CINP: variants seen among roughly 807,000 people sequenced by gnomAD.
CINP encodes the protein cyclin dependent kinase 2 interacting protein, also known as cyclin-dependent kinase 2-interacting protein.
A neutral mutation model predicts 20.5 loss-of-function variants in CINP; 11 were observed. The observed-to-expected ratio is 0.54, with a 90% confidence interval of 0.34 to 0.89. The LOEUF (loss-of-function observed/expected upper bound fraction) is 0.89, where lower values mean the gene tolerates loss of function less well. CINP is among the 40% of genes least tolerant of loss of function. The pLI is 0.02. For missense variants in CINP, 213 were observed against 251.0 expected, an observed-to-expected ratio of 0.85 and a Z score of 1.02; for synonymous variants, 108 against 102.1, an observed-to-expected ratio of 1.06 and a Z score of -0.35.
At chr14:102,354,662 C>A (rs535158515) in intron 3 of CINP, among the ~76,000 whole-genome samples, 1 of 152,210 alleles carries the variant, frequency 6.6e-6, no homozygotes, top group Non-Finnish European at 1.5e-5. Flanking sequence ...AAGGTTGAGG[C>A]ACAAGAATTG....
At chr14:102,353,905 A>G (rs1444415981) in intron 3 of CINP, among the ~76,000 whole-genome samples, 1 of 152,164 alleles carries the variant, frequency 6.6e-6, no homozygotes, top group African/African-American at 2.4e-5. Flanking sequence ...CCTGGCCAAC[A>G]TGAGAACCCC....
intron 1 of CINP, 25 bp downstream of exon 1, chr14:102,362,820 C>G (rs747358634): frequency 1.8e-5 from 29 of 1,613,892 alleles, no homozygotes; most frequent in South Asian, 4.4e-5. Flanking sequence ...CACCCCACCC[C>G]GGGAAAGGAA....
chr14:102,359,551 A>T lies in CINP; in HGVS notation c.44T>A (p.Val15Asp), dbSNP rs751497706. Residue 15 changes from valine to aspartate, a missense_variant, in exon 2 of 5, where the codon GTC becomes GAC. Transcript: ENST00000216756. The part of the protein sequence containing the change: ...TLGTVTPRKP[V>D]LSVSARKIKD... ...AATTTTTCTTGCACTGACAGATAAG[A>T]CAGGTTTTCTGGGCGTTACAGTTCC... 6 of 1,612,836 alleles carry T rather than the reference A, an allele frequency of 3.7e-6. No homozygotes were observed. Among genetic ancestry groups the T allele is most frequent in the Non-Finnish European group, 4.2e-6 (5 of 1,179,450 alleles).
intron 2 of CINP, among the ~76,000 whole-genome samples, chr14:102,357,832 C>T (rs1567306328): frequency 6.6e-6 from 1 of 152,236 alleles, no homozygotes; most frequent in East Asian, 1.9e-4. Context: ...AAGGTGGCTA[C>T]ATGATACAAC....
intron 1 of CINP, 44 bp from the exon 2 acceptor site, chr14:102,359,631 C>A (rs1250626366): frequency 6.8e-7 from 1 of 1,469,212 alleles, no homozygotes; most frequent in South Asian, 1.3e-5. Flanking sequence ...ATGGAATATA[C>A]AATCATAGTT....
At chr14:102,348,811 C>G in intron 4 of CINP, 52 bp from the exon 5 acceptor site, 2 of 1,529,912 alleles carry the variant, frequency 1.3e-6, no homozygotes, top group Non-Finnish European at 8.9e-7. Flanking sequence ...AACATAGTGT[C>G]GACTTGGGAA....
intron 2 of CINP, among the ~76,000 whole-genome samples, 192 bp downstream of exon 2, chr14:102,359,227 A>AATATATATATATAT (rs10632205): frequency 0.048 from 5,474 of 114,662 alleles, 214 homozygotes; most frequent in Non-Finnish European, 0.063. Flanking sequence ...TAAATAACTA[A>AATATATATATATAT]ATATATATAT....
At position 102,362,822 on chromosome 14, in the gene CINP, G is replaced by A. The variant is rs745414827; in HGVS notation, c.7+23C>T. 5 of 1,613,956 alleles carry A rather than the reference G, an allele frequency of 3.1e-6. No homozygotes were observed. The South Asian group carries it at 4.4e-5, about 14-fold the overall frequency. ...TAACATTCACAGCCACCCCACCCCG[G>A]GAAAGGAACCGATCTCACGCACCTT... On this transcript the variant is annotated intron_variant, in intron 1 of 4. Transcript: ENST00000216756.
chr14:102,354,798 G>A (rs1033231682), intron 3 of CINP, among the ~76,000 whole-genome samples: 24 of 151,862 alleles, frequency 1.6e-4, no homozygotes, highest in African/African-American at 5.6e-4. Flanking sequence ...GGCCAGGTGC[G>A]GTGACTCACG....
At chr14:102,353,946 G>A (rs1014565747) in intron 3 of CINP, among the ~76,000 whole-genome samples, 8 of 152,106 alleles carry the variant, frequency 5.3e-5, no homozygotes, top group East Asian at 1.9e-4. Context: ...AAAATTAGCC[G>A]GGCATGATGG....
intron 2 of CINP, among the ~76,000 whole-genome samples, chr14:102,357,784 A>G (rs1007527061): frequency 9.9e-5 from 15 of 152,242 alleles, no homozygotes; most frequent in Admixed American, 4.6e-4. Flanking sequence ...TAGAAGCTGG[A>G]GCAAGTTATC....
At chr14:102,355,594 G>A (rs1760597730) in intron 3 of CINP, 174 bp downstream of exon 3, 1 of 624,038 alleles carries the variant, frequency 1.6e-6, no homozygotes, top group South Asian at 2.4e-5. Flanking sequence ...CAGGAGGAGT[G>A]AGTGTCTAAG....
Position 102,359,403 on chromosome 14 carries a change from A to G in CINP, c.176+16T>C. Reference sequence around the variant, plus strand: ...GGGTGAAAAACTTAGAGCATGAAAAACCAATATGTACTTACAATAAACTGA... The same window carrying G: ...GGGTGAAAAACTTAGAGCATGAAAAGCCAATATGTACTTACAATAAACTGA... On this transcript the variant is annotated intron_variant, in intron 2 of 4. Transcript: ENST00000216756. 6.5e-7 allele frequency: 1 copy of G among 1,545,482 alleles called. No homozygotes were observed. The highest frequency in any genetic ancestry group is 2.3e-5 in the East Asian group (1 of 43,192).
At chr14:102,359,672 G>A in intron 1 of CINP, 85 bp from the exon 2 acceptor site, 1 of 976,812 alleles carries the variant, frequency 1.0e-6, no homozygotes, top group Non-Finnish European at 1.5e-6. Flanking sequence ...ATTTTCAACA[G>A]TAAAACTATC....
At chr14:102,352,497 A>G (rs1447828612) in intron 3 of CINP, 9 of 455,950 alleles carry the variant, frequency 2.0e-5, no homozygotes, top group Non-Finnish European at 3.5e-5. Context: ...AGAACGGTGC[A>G]TGAAACCCCC....
chr14:102,353,061 C>T (rs1886905731), intron 3 of CINP, among the ~76,000 whole-genome samples: 1 of 151,196 alleles, frequency 6.6e-6, no homozygotes, highest in South Asian at 2.1e-4. Flanking sequence ...CACTTGAACC[C>T]AGGAGGCAGA....
chr14:102,362,641 T>C (rs1887194147), intron 1 of CINP: 1 of 724,798 alleles, frequency 1.4e-6, no homozygotes, highest in Non-Finnish European at 2.5e-6. Flanking sequence ...ACTGCACATG[T>C]GAAAAAACGG....
chr14:102,350,257 A>G lies in CINP; in HGVS notation c.307-209T>C, dbSNP rs150377281. ...TTCATTAATTTGAATGACTTTGGTAATAAACCCCAGATTTCCAGTCCTAGA... is the reference window on the plus strand; with the variant it reads ...TTCATTAATTTGAATGACTTTGGTAGTAAACCCCAGATTTCCAGTCCTAGA... On this transcript the variant is annotated intron_variant, in intron 3 of 4. Coordinates refer to ENST00000216756, the MANE Select transcript of CINP (RefSeq NM_032630.3). Among the ~76,000 whole-genome samples the G allele has an allele frequency of 9.8e-5, 15 of 152,330 alleles. No homozygotes were observed. In the East Asian group the frequency reaches 2.9e-3, roughly 29 times the overall value.
intron 4 of CINP, among the ~76,000 whole-genome samples, chr14:102,349,162 G>A (rs895023239): frequency 7.2e-5 from 11 of 152,300 alleles, no homozygotes; most frequent in South Asian, 2.1e-4. Context: ...GCTGAGGCAC[G>A]AGAATCGCTT....
Sources: allele counts gnomAD v4.1 joint callset (sites outside exome capture counted in the v4.1 genomes callset), GRCh38; gene constraint gnomAD v4.1.1; transcripts MANE v1.5; gene names NCBI Gene and HGNC (gene_info 2026-07-23, HGNC 2026-07-21).